The following CENPF variants were observed in gnomAD, a reference collection of about 807,000 sequenced individuals.
CENPF encodes the protein AH antigen.
Under a neutral mutation model 307.3 loss-of-function variants are expected in CENPF, and 214 were observed. The ratio of observed to expected loss-of-function variants is 0.70; its 90% CI spans 0.62 to 0.78. The LOEUF (loss-of-function observed/expected upper bound fraction) is 0.78, where lower values mean the gene tolerates loss of function less well. Among genes scored for constraint, CENPF ranks in the 30% least tolerant of loss-of-function variants. CENPF has a pLI of 0.00. For missense variants in CENPF, 3,401 were observed against 3,483.9 expected (o/e 0.98, Z 0.60); for synonymous variants, 1,259 against 1,270.6 (o/e 0.99, Z 0.19).
chr1:214,639,259 G>A (rs1658042738), intron 11 of CENPF, among the ~76,000 whole-genome samples: 1 of 152,204 alleles, frequency 6.6e-6, no homozygotes, highest in Non-Finnish European at 1.5e-5. Context: ...TTAGGCAGAA[G>A]ACAGGGGGTA....
At position 214,605,171 on chromosome 1, in the gene CENPF, A is replaced by G. The variant is rs1441182399; in HGVS notation, c.-42+1850A>G. Reference sequence around the variant, plus strand: ...CTATATTTTCTTCCAGCTGATTTCTATTTCCTAAGATGTGGCTGAGAAGGA... The same window carrying G: ...CTATATTTTCTTCCAGCTGATTTCTGTTTCCTAAGATGTGGCTGAGAAGGA... On this transcript the variant is annotated intron_variant, in intron 1 of 19. Coordinates refer to ENST00000366955, the MANE Select transcript of CENPF (RefSeq NM_016343.4). Among the ~76,000 whole-genome samples, 8 of 152,190 alleles carry G rather than the reference A, an allele frequency of 5.3e-5. 1 individual carries two copies. Among genetic ancestry groups the G allele is most frequent in the Non-Finnish European group, 1.0e-4 (7 of 68,022 alleles).
chr1:214,637,907 G>A lies in CENPF; in HGVS notation c.1488G>A (p.Glu496=), dbSNP rs1470161827. 2 of 1,613,372 alleles carry A rather than the reference G, an allele frequency of 1.2e-6. No individual in the cohort carries two copies. The highest frequency in any genetic ancestry group is 2.7e-5 in the African/African-American group (2 of 74,900). Residue 496 remains glutamate, a synonymous_variant, in exon 11 of 20, where the codon GAG becomes GAA. Transcript: ENST00000366955. ...KENNLLKSHS[E]QKAREVCHLE... ...ACAACCTCCTTAAGAGTCACTCTGA[G>A]CAAAAGGCCAGAGAAGTCTGCCACC...
intron 1 of CENPF, among the ~76,000 whole-genome samples, chr1:214,604,952 T>C (rs967630693): frequency 6.6e-6 from 1 of 152,256 alleles, no homozygotes; most frequent in Non-Finnish European, 1.5e-5. Context: ...TTTTTATTGT[T>C]CTTAGTACTT....
intron 1 of CENPF, among the ~76,000 whole-genome samples, chr1:214,607,441 G>A (rs1657066437): frequency 6.6e-6 from 1 of 152,174 alleles, no homozygotes; most frequent in South Asian, 2.1e-4. Context: ...TGGTGTCAGC[G>A]CCCCACACTG....
In CENPF at chr1:214,644,990, T is replaced by C. The variant is rs1258561296; in HGVS notation, c.5420T>C (p.Leu1807Ser). The C allele has an allele frequency of 1.9e-6, 3 of 1,613,242 alleles. No homozygotes were observed. The highest frequency in any genetic ancestry group is 1.7e-6 in the Non-Finnish European group (2 of 1,179,756). Residue 1807 changes from leucine (L) to serine (S), a missense_variant, in exon 13 of 20, where the codon TTA becomes TCA. Leu to Ser is a moderately radical substitution (Grantham distance 145). Coordinates refer to ENST00000366955, the MANE Select transcript of CENPF (RefSeq NM_016343.4). Reference sequence around the variant, plus strand: ...AGTTTGCTAAATGAAATGAAAGAATTAGACTCAAAACTCCATTTACAGGAG... The same window carrying C: ...AGTTTGCTAAATGAAATGAAAGAATCAGACTCAAAACTCCATTTACAGGAG... ...VESLLNEMKE[L>S]DSKLHLQEVQ...
At chr1:214,604,895 A>AT (rs1477467936) in intron 1 of CENPF, among the ~76,000 whole-genome samples, 1 of 152,244 alleles carries the variant, frequency 6.6e-6, no homozygotes, top group Non-Finnish European at 1.5e-5. Context: ...GGGCTTTGAT[A>AT]TCCAACTTAT....
At chr1:214,625,096 C>G (rs1657615662) in intron 7 of CENPF, among the ~76,000 whole-genome samples, 1 of 151,980 alleles carries the variant, frequency 6.6e-6, no homozygotes, top group African/African-American at 2.4e-5. Flanking sequence ...CTCCAGCTTT[C>G]CTTTGATTGT....
At chr1:214,657,456 C>CATATA (rs750567715) in intron 18 of CENPF, 47 bp downstream of exon 18, 11 of 1,376,142 alleles carry the variant, frequency 8.0e-6, no homozygotes, top group Non-Finnish European at 1.1e-5. Flanking sequence ...TTTGAAATTC[C>CATATA]ATATAATGGT....
chr1:214,609,517 C>CT (rs765524142), intron 1 of CENPF, among the ~76,000 whole-genome samples: 1 of 151,934 alleles, frequency 6.6e-6, no homozygotes, highest in Non-Finnish European at 1.5e-5. Context: ...TGCAGAATAT[C>CT]TTGTCATGCA....
At chr1:214,608,915 G>C in intron 1 of CENPF, 8 of 1,359,240 alleles carry the variant, frequency 5.9e-6, no homozygotes, top group Non-Finnish European at 4.7e-6. Flanking sequence ...CGGCAGGGGA[G>C]GGGTGGGGGT....
chr1:214,657,117 A>G lies in CENPF; in HGVS notation c.8670A>G (p.Ser2890=), dbSNP rs772320859. The change falls in exon 18 of 20, where the codon TCA becomes TCG. Residue 2890 remains serine, a synonymous_variant. Coordinates refer to ENST00000366955, the MANE Select transcript of CENPF (RefSeq NM_016343.4). ...MLETQVAHLC[S]QQSKQDSRGS... The stretch of plus-strand genomic sequence containing the variant: ...AGACACAAGTGGCCCATCTGTGTTC[A>G]CAGCAATCTAAACAAGATTCCCGAG... The G allele has an allele frequency of 8.7e-6, 14 of 1,614,106 alleles. No homozygotes were observed. Among genetic ancestry groups the G allele is most frequent in the Middle Eastern group, 1.6e-4 (1 of 6,084 alleles).
intron 3 of CENPF, among the ~76,000 whole-genome samples, chr1:214,616,064 A>G (rs1657327933): frequency 6.6e-6 from 1 of 152,132 alleles, no homozygotes; most frequent in African/African-American, 2.4e-5. Context: ...GTCTCCAACA[A>G]GTGAGGTTGA....
At chr1:214,610,019 C>CTTTTTTTTTTT (rs34695664) in intron 1 of CENPF, among the ~76,000 whole-genome samples, 1 of 130,376 alleles carries the variant, frequency 7.7e-6, no homozygotes, top group Non-Finnish European at 1.6e-5. Context: ...GTGCATGTGC[C>CTTTTTTTTTTT]TTTTTTTTTT....
rs750636207 is a variant in CENPF at position 214,645,329 on chromosome 1, A to G, written c.5759A>G (p.Tyr1920Cys). 1.2e-6 allele frequency: 2 copies of G among 1,614,166 alleles called. No individual in the cohort carries two copies. The highest frequency in any genetic ancestry group is 4.5e-5 in the East Asian group (2 of 44,874). ...GCTAGCATTGAGCATGAAGCCCTCT[A>G]CCTGGAGGCTGACTTAGAGGTAGTT... ...EKASIEHEAL[Y>C]LEADLEVVQT... The change falls in exon 13 of 20, where the codon TAC becomes TGC. Residue 1920 changes from tyrosine to cysteine, a missense_variant. Coordinates refer to ENST00000366955, the MANE Select transcript of CENPF (RefSeq NM_016343.4).
chr1:214,622,638 A>G (rs1328427778), intron 7 of CENPF, among the ~76,000 whole-genome samples: 3 of 152,182 alleles, frequency 2.0e-5, no homozygotes, highest in Non-Finnish European at 4.4e-5. Flanking sequence ...GATAGGATTT[A>G]ATTAATCTGC....
At chr1:214,609,482 A>G (rs1267229524) in intron 1 of CENPF, among the ~76,000 whole-genome samples, 2 of 152,180 alleles carry the variant, frequency 1.3e-5, no homozygotes, top group Non-Finnish European at 2.9e-5. Flanking sequence ...GTAATTAACC[A>G]TGTGAAGAGG....
chr1:214,625,957 T>C (rs1657644323), intron 7 of CENPF, among the ~76,000 whole-genome samples: 1 of 152,220 alleles, frequency 6.6e-6, no homozygotes, highest in Non-Finnish European at 1.5e-5. Flanking sequence ...TTTAAAAAGC[T>C]GAGGAAGAGA....
intron 6 of CENPF, among the ~76,000 whole-genome samples, chr1:214,621,341 G>A (rs1657501085): frequency 6.6e-6 from 1 of 152,194 alleles, no homozygotes; most frequent in African/African-American, 2.4e-5. Context: ...CTGCAGAACA[G>A]CTTTGCTGTG....
In CENPF at chr1:214,646,400, G is replaced by C. The variant is rs147776688; in HGVS notation, c.6830G>C (p.Gly2277Ala). Residue 2277 changes from glycine to alanine, a missense_variant, in exon 13 of 20, where the codon GGT becomes GCT. Transcript: ENST00000366955. ...AATGAGGCAGTAGCAGCCTTGTGTG[G>C]TGACCAAGAAATTATGAAGGCCACA... Reference protein sequence around the residue: ...ELNEAVAALCGDQEIMKATEQ... With the variant: ...ELNEAVAALCADQEIMKATEQ... The C allele has an allele frequency of 2.2e-4, 358 of 1,614,066 alleles. 2 individuals are homozygous for C. In the African/African-American group the frequency reaches 4.3e-3, roughly 19 times the overall value.
Sources: gnomAD v4.1 joint callset for allele counts (sites outside exome capture counted in the v4.1 genomes callset) on GRCh38, gnomAD v4.1.1 for gene constraint, MANE v1.5 for transcripts, NCBI Gene and HGNC (gene_info 2026-07-23, HGNC 2026-07-21) for gene names.